ATP11A: variants seen among roughly 807,000 people sequenced by gnomAD.
The protein encoded by ATP11A is phospholipid-transporting ATPase IH.
ATP11A carries 81 observed loss-of-function variants against 154.4 expected under a neutral mutation model. That is an observed-to-expected ratio of 0.52 (90% CI 0.44 to 0.63). The LOEUF is 0.63. Ranked by LOEUF, ATP11A falls within the 30% of genes least tolerant of loss-of-function variation. The probability of loss-of-function intolerance (pLI) is 0.00; values close to 1 mark genes in which losing one functional copy is unlikely to be tolerated. For synonymous variants in ATP11A, 623 were observed against 585.9 expected (o/e 1.06, Z -0.91); for missense variants, 1,316 against 1,474.3 (o/e 0.89, Z 1.76).
Position 112,873,671 on chromosome 13 carries a change from GATCTGGTAAAT to G in ATP11A, c.3161+1_3161+11del. Reference sequence around the variant, plus strand: ...TCTTTTCGCTTCTCTGGGGAGGAGTGATCTGGTAAATATCTGATAAGTAGCTGATAATCTGA... The same window carrying G: ...TCTTTTCGCTTCTCTGGGGAGGAGTGATCTGATAAGTAGCTGATAATCTGA... On this transcript the variant is annotated splice_donor_variant and splice_donor_5th_base_variant and coding_sequence_variant and intron_variant, in exon 27 of 30. Coordinates refer to ENST00000375645, the MANE Select transcript of ATP11A (RefSeq NM_015205.3). 6.2e-7 allele frequency: 1 copy of G among 1,609,930 alleles called. No individual in the cohort carries two copies. Among genetic ancestry groups the G allele is most frequent in the Non-Finnish European group, 8.5e-7 (1 of 1,176,490 alleles).
At chr13:112,855,166 T>C (rs1249487783) in intron 19 of ATP11A, among the ~76,000 whole-genome samples, 1 of 152,244 alleles carries the variant, frequency 6.6e-6, no homozygotes, top group Non-Finnish European at 1.5e-5. Context: ...ATCTGCAATC[T>C]GCAGAACTCC....
At chr13:112,774,881 G>A (rs888212570) in intron 1 of ATP11A, among the ~76,000 whole-genome samples, 3 of 152,232 alleles carry the variant, frequency 2.0e-5, no homozygotes, top group Non-Finnish European at 2.9e-5. Flanking sequence ...GGTGAAGAGC[G>A]TCGTTGGCGT....
At position 112,779,203 on chromosome 13, in the gene ATP11A, C is replaced by T. The variant is rs532330835; in HGVS notation, c.40-5932C>T. ...TAGCCGCTGGAGTGAGGAGTAGCCA[C>T]TGGAGTGAGTAGCCGCTGGAGTGAG... On this transcript the variant is annotated intron_variant, in intron 1 of 29. Transcript: ENST00000375645. 8.5e-4 allele frequency among the ~76,000 whole-genome samples: 112 copies of T among 131,506 alleles called. No individual in the cohort carries two copies. The East Asian group carries it at 9.3e-3, about 11-fold the overall frequency. The allele number at this position is 131,506 out of a possible 152,430, so 86.3% of individuals were successfully genotyped here.
rs933729600 is a variant in ATP11A, at chr13:112,690,291, C to G, written c.-126C>G. 3.1e-5 allele frequency: 20 copies of G among 637,740 alleles called. No individual in the cohort carries two copies. In the East Asian group the frequency reaches 4.7e-4, roughly 15 times the overall value. 39.5% of individuals were successfully genotyped at this position (637,740 alleles called of 1,614,324 possible). ...GGAGGGGCCGCGGCCGCCCCCTGCA[C>G]CGCCCGGCGCGCCGAGGCCGTGACC... is the stretch of plus-strand genomic sequence containing the variant. On this transcript the variant is annotated 5_prime_UTR_variant, in exon 1 of 30. Transcript: ENST00000375645. This position sits in a 1 kb window ranked among gnomAD's most constrained non-coding sequence, Gnocchi z 5.6.
rs575176294 is a variant in ATP11A at position 112,758,718 on chromosome 13, C to T, written c.40-26417C>T. On this transcript the variant is annotated intron_variant, in intron 1 of 29. Coordinates refer to ENST00000375645, the MANE Select transcript of ATP11A (RefSeq NM_015205.3). ...GATTACAGGCGTGAGCCACCGCTCC[C>T]AGCCTACATTTCTTAAATCTATCTT... is the stretch of plus-strand genomic sequence containing the variant. Among the ~76,000 whole-genome samples, 92 of 152,334 alleles carry T rather than the reference C, an allele frequency of 6.0e-4. No homozygotes were observed. The East Asian group carries it at 0.017, about 29-fold the overall frequency.
At chr13:112,841,688 T>G (rs2013434) in intron 16 of ATP11A, among the ~76,000 whole-genome samples, 12 of 152,314 alleles carry the variant, frequency 7.9e-5, no homozygotes, top group East Asian at 1.9e-4. Context: ...ACAGCAGAAC[T>G]GTCGTGGCCT....
intron 26 of ATP11A, 138 bp downstream of exon 26, chr13:112,871,938 C>T (rs1284892364): frequency 1.1e-6 from 1 of 922,488 alleles, no homozygotes; most frequent in African/African-American, 1.6e-5. Context: ...TGGCTGGCTC[C>T]TGGGGCACCC....
chr13:112,804,897 G>C (rs2078280027), intron 2 of ATP11A, 60 bp from the exon 3 acceptor site: 3 of 1,061,528 alleles, frequency 2.8e-6, no homozygotes, highest in South Asian at 2.9e-5. Flanking sequence ...ATGCCCTAGA[G>C]TAACACTACA....
chr13:112,787,511 T>C lies in ATP11A; in HGVS notation c.162+2254T>C, dbSNP rs71446645. On this transcript the variant is annotated intron_variant, in intron 2 of 29. Transcript: ENST00000375645. ...ACACCGGGTGTCCTGATGCGTAGACTCCTGTGGATACCTACTTAATTCACA... is the reference window on the plus strand; with the variant it reads ...ACACCGGGTGTCCTGATGCGTAGACCCCTGTGGATACCTACTTAATTCACA... Among the ~76,000 whole-genome samples, 147 of 52,036 alleles carry C rather than the reference T, an allele frequency of 2.8e-3. 4 individuals carry two copies. Among genetic ancestry groups the C allele is most frequent in the Non-Finnish European group, 1.9e-3 (56 of 30,196 alleles). 34.1% of individuals were successfully genotyped at this position (52,036 alleles called of 152,430 possible). A position where few individuals can be genotyped will look rare whatever the true frequency, so the allele number is the denominator to read the frequency against.
In ATP11A at chr13:112,696,632, G is replaced by A. The variant is rs1463711708; in HGVS notation, c.39+6177G>A. Among the ~76,000 whole-genome samples, 2 of 152,204 alleles carry A rather than the reference G, an allele frequency of 1.3e-5. No individual in the cohort carries two copies. The highest frequency in any genetic ancestry group is 6.5e-5 in the Admixed American group (1 of 15,296). On this transcript the variant is annotated intron_variant, in intron 1 of 29. Coordinates refer to ENST00000375645, the MANE Select transcript of ATP11A (RefSeq NM_015205.3). This position sits in a 1 kb window ranked among gnomAD's most constrained non-coding sequence, Gnocchi z 6.2. ...GCTACCGTTTTTCTTAGGTTACCCC[G>A]CGTAGCTGGCCCGTCCTTCCTTCTC...
chr13:112,851,058 G>A lies in ATP11A; in HGVS notation c.1831G>A (p.Val611Ile), dbSNP rs1424136595. Residue 611 changes from valine to isoleucine, a missense_variant, in exon 18 of 30, where the codon GTT (valine) becomes ATT (isoleucine). Physicochemically the swap from Val to Ile is conservative, Grantham distance 29. Transcript: ENST00000375645. ...NAVEGLRTLC[V>I]AYKRLIQEEY... Reference sequence around the variant, plus strand: ...GCAGGAGGGGCTCCGAACTTTGTGTGTTGCTTATAAAAGGCTGATCCAAGA... The same window carrying A: ...GCAGGAGGGGCTCCGAACTTTGTGTATTGCTTATAAAAGGCTGATCCAAGA... 1 of 1,614,118 alleles carries A rather than the reference G, an allele frequency of 6.2e-7. No homozygotes were observed. Among genetic ancestry groups the A allele is most frequent in the African/African-American group, 1.3e-5 (1 of 75,040 alleles).
At chr13:112,817,905 C>T (rs962730281) in intron 6 of ATP11A, among the ~76,000 whole-genome samples, 3 of 152,222 alleles carry the variant, frequency 2.0e-5, no homozygotes, top group Non-Finnish European at 4.4e-5. Flanking sequence ...TCCACCCGAC[C>T]TCTGTTTGGA....
chr13:112,824,243 G>A (rs2078875066), intron 9 of ATP11A, 101 bp from the exon 10 acceptor site: 8 of 891,452 alleles, frequency 9.0e-6, no homozygotes, highest in Middle Eastern at 2.2e-4. Flanking sequence ...AATAGGATTC[G>A]CTTTACCCAA....
chr13:112,868,714 T>C (rs1458359916), intron 25 of ATP11A, among the ~76,000 whole-genome samples: 1 of 152,188 alleles, frequency 6.6e-6, no homozygotes, highest in Non-Finnish European at 1.5e-5. Context: ...ATTGTAGTAA[T>C]AAACTATCCG....
At chr13:112,847,293 C>T (rs2079637063) in intron 17 of ATP11A, among the ~76,000 whole-genome samples, 1 of 152,224 alleles carries the variant, frequency 6.6e-6, no homozygotes, top group African/African-American at 2.4e-5. Flanking sequence ...TCTCCTTTCG[C>T]TGGCTGTGCT....
intron 15 of ATP11A, among the ~76,000 whole-genome samples, chr13:112,835,422 G>A (rs912851800): frequency 6.6e-6 from 1 of 152,228 alleles, no homozygotes; most frequent in African/African-American, 2.4e-5. Flanking sequence ...CCTTGATTCG[G>A]CGGGGCTCCT....
At chr13:112,756,962 A>G (rs2076855728) in intron 1 of ATP11A, among the ~76,000 whole-genome samples, 1 of 151,480 alleles carries the variant, frequency 6.6e-6, no homozygotes, top group South Asian at 2.1e-4. Flanking sequence ...AAATTGTTAC[A>G]TACTAGTTAC....
chr13:112,803,840 T>TTCCTCTCCTTCCCCTCCTTTTCCTCCC (rs2078216918), intron 2 of ATP11A, among the ~76,000 whole-genome samples: 1 of 73,634 alleles, frequency 1.4e-5, no homozygotes, highest in African/African-American at 5.1e-5. Flanking sequence ...CTCCTCCTCC[T>TTCCTCTCCTTCCCCTCCTTTTCCTCCC]TCCTCTCCTT....
At chr13:112,798,502 G>A (rs990896696) in intron 2 of ATP11A, among the ~76,000 whole-genome samples, 4 of 152,186 alleles carry the variant, frequency 2.6e-5, no homozygotes, top group Non-Finnish European at 4.4e-5. Context: ...AGTGGTGATT[G>A]CTCAGGGGTG....
Sources: gnomAD v4.1 joint callset for allele counts (sites outside exome capture counted in the v4.1 genomes callset) on GRCh38, gnomAD v4.1.1 for gene constraint, Gnocchi (gnomAD v3.1) non-coding constraint, MANE v1.5 for transcripts, NCBI Gene and HGNC (gene_info 2026-07-23, HGNC 2026-07-21) for gene names.